Variants in KAZN observed in about 807,000 individuals in gnomAD.
KAZN encodes the protein kazrin.
Under a neutral mutation model 87.4 loss-of-function variants are expected in KAZN, and 40 were observed. The ratio of observed to expected loss-of-function variants is 0.46; its 90% CI spans 0.36 to 0.60. The LOEUF is 0.60. Among genes scored for constraint, KAZN ranks in the 20% least tolerant of loss-of-function variants. The pLI is 0.00. For synonymous variants in KAZN, 466 were observed against 458.3 expected (o/e 1.02, Z -0.22); for missense variants, 898 against 1,073.9 (o/e 0.84, Z 2.29).
intron 2 of KAZN, among the ~76,000 whole-genome samples, chr1:14,556,301 G>A (rs1673869743): frequency 6.6e-6 from 1 of 151,976 alleles, no homozygotes; most frequent in African/African-American, 2.4e-5. Flanking sequence ...AGTAGAGACA[G>A]GATTTCCCTG....
chr1:14,779,892 T>TG (rs1168415590), intron 1 of KAZN, among the ~76,000 whole-genome samples: 1 of 152,262 alleles, frequency 6.6e-6, no homozygotes, highest in Non-Finnish European at 1.5e-5. Flanking sequence ...AGGCTAGTGA[T>TG]GGGTATACAT....
intron 1 of KAZN, among the ~76,000 whole-genome samples, chr1:14,116,808 A>G (rs1208966289): frequency 6.6e-6 from 1 of 152,242 alleles, no homozygotes. Context: ...GCAAAGCAAC[A>G]GGGGTGGAGC....
At chr1:15,109,326 A>T (rs1641405447) in intron 13 of KAZN, among the ~76,000 whole-genome samples, 1 of 152,098 alleles carries the variant, frequency 6.6e-6, no homozygotes, top group African/African-American at 2.4e-5. Context: ...CCAAGATTGC[A>T]CCACTGCACT....
chr1:14,175,042 G>T (rs1646041229), intron 1 of KAZN, among the ~76,000 whole-genome samples: 1 of 152,198 alleles, frequency 6.6e-6, no homozygotes, highest in Non-Finnish European at 1.5e-5. Flanking sequence ...GAGGACTGTA[G>T]GCATTGGTTT....
chr1:14,936,932 G>A (rs1660527093), intron 1 of KAZN, among the ~76,000 whole-genome samples: 1 of 152,100 alleles, frequency 6.6e-6, no homozygotes, highest in Admixed American at 6.5e-5. Context: ...CTCAGGGCCT[G>A]TCTGTCCCAT....
chr1:14,424,347 A>G (rs917373735), intron 2 of KAZN, among the ~76,000 whole-genome samples: 2 of 152,222 alleles, frequency 1.3e-5, no homozygotes, highest in African/African-American at 2.4e-5. Context: ...CAACCGTGGC[A>G]GGGAGAAATT....
intron 1 of KAZN, among the ~76,000 whole-genome samples, chr1:14,833,888 TG>T (rs145966523): frequency 0.036 from 5,537 of 151,866 alleles, 227 homozygotes; most frequent in African/African-American, 0.097. Context: ...GCCAGAATGT[TG>T]GTGTCTAAGA....
chr1:14,755,619 G>T (rs1041469076), intron 1 of KAZN, among the ~76,000 whole-genome samples: 1 of 152,168 alleles, frequency 6.6e-6, no homozygotes, highest in East Asian at 1.9e-4. Context: ...CTCTGGATTT[G>T]CATAATCGCT....
At chr1:14,575,614 G>A (rs528585337) in intron 2 of KAZN, among the ~76,000 whole-genome samples, 1 of 152,268 alleles carries the variant, frequency 6.6e-6, no homozygotes, top group East Asian at 1.9e-4. Flanking sequence ...CAGTGAGGAG[G>A]CTGTTGCAGT....
chr1:14,817,559 G>A (rs570917975), intron 1 of KAZN, among the ~76,000 whole-genome samples: 1 of 152,264 alleles, frequency 6.6e-6, no homozygotes, highest in African/African-American at 2.4e-5. Context: ...AACAATAGTT[G>A]GCACATAGTA....
chr1:14,598,669 G>A (rs897661906), upstream of KAZN: 25 of 1,263,218 alleles, frequency 2.0e-5, no homozygotes, highest in Non-Finnish European at 6.0e-6. The surrounding 1 kb of genome is among the most constrained non-coding windows in gnomAD (Gnocchi z 4.2). Flanking sequence ...AAGAGTGCCT[G>A]GTGGCGCGCG....
At chr1:14,928,306 G>A (rs1035357843) in intron 1 of KAZN, among the ~76,000 whole-genome samples, 5 of 152,022 alleles carry the variant, frequency 3.3e-5, no homozygotes, top group Admixed American at 6.6e-5. Flanking sequence ...AAAATTAGCC[G>A]GGCGTGTTGG....
At chr1:14,523,933 G>A (rs1671717515) in intron 2 of KAZN, among the ~76,000 whole-genome samples, 1 of 152,218 alleles carries the variant, frequency 6.6e-6, no homozygotes, top group Admixed American at 6.5e-5. Flanking sequence ...GAATAGCTAA[G>A]GGAGAGCGAG....
intron 1 of KAZN, among the ~76,000 whole-genome samples, chr1:14,763,843 A>G (rs10927541): frequency 0.56 from 85,468 of 152,026 alleles, 24,380 homozygotes; most frequent in African/African-American, 0.62. Context: ...TCCGCCTCCC[A>G]GGTTCAAGTG....
chr1:14,587,360 C>G (rs192173619), intron 2 of KAZN, among the ~76,000 whole-genome samples: 2 of 150,442 alleles, frequency 1.3e-5, no homozygotes, highest in South Asian at 4.2e-4. Flanking sequence ...TGCTTTAACC[C>G]GGGAGGCAGA....
At chr1:14,636,908 C>T (rs1680032546) in intron 1 of KAZN, among the ~76,000 whole-genome samples, 2 of 152,246 alleles carry the variant, frequency 1.3e-5, no homozygotes, top group Non-Finnish European at 2.9e-5. Context: ...GCTCCAAATG[C>T]AAGCTGATGT....
chr1:14,631,386 A>G (rs1679552695), intron 1 of KAZN, among the ~76,000 whole-genome samples: 1 of 152,212 alleles, frequency 6.6e-6, no homozygotes, highest in African/African-American at 2.4e-5. Context: ...TTCTGAGGCT[A>G]GGGCTGGGAA....
At chr1:14,736,801 T>C (rs891612039) in intron 1 of KAZN, among the ~76,000 whole-genome samples, 1 of 152,156 alleles carries the variant, frequency 6.6e-6, no homozygotes, top group African/African-American at 2.4e-5. Flanking sequence ...CCAGAATAGA[T>C]TCTGGCTACA....
chr1:14,746,552 G>A (rs1644265595), intron 1 of KAZN, among the ~76,000 whole-genome samples: 1 of 151,996 alleles, frequency 6.6e-6, no homozygotes, highest in Non-Finnish European at 1.5e-5. Context: ...ATCCGGGAAG[G>A]CTTCTCAGAG....
Sources: gnomAD v4.1 joint callset for allele counts (sites outside exome capture counted in the v4.1 genomes callset) on GRCh38, gnomAD v4.1.1 for gene constraint, Gnocchi (gnomAD v3.1) non-coding constraint, MANE v1.5 for transcripts, NCBI Gene and HGNC (gene_info 2026-07-23, HGNC 2026-07-21) for gene names.